SMC1A: variants seen among roughly 807,000 people sequenced by gnomAD.
SMC1A encodes the protein structural maintenance of chromosomes protein 1A.
A neutral mutation model predicts 94.5 loss-of-function variants in SMC1A; 4 were observed. That is an observed-to-expected ratio of 0.04 (90% CI 0.02 to 0.10). The LOEUF is 0.10. Among genes scored for constraint, SMC1A ranks in the 10% least tolerant of loss-of-function variants. SMC1A has a pLI of 1.00. For missense variants in SMC1A, 304 were observed against 989.0 expected (o/e 0.31, Z 9.29); for synonymous variants, 345 against 347.7 (o/e 0.99, Z 0.09).
At position 53,405,804 on chromosome X, in the gene SMC1A, C is replaced by G. The variant is rs7052858; in HGVS notation, c.1698G>C (p.Glu566Asp). 1 of 1,210,784 alleles carries G rather than the reference C, an allele frequency of 8.3e-7. No homozygotes were observed. The change falls in exon 10 of 25, where the codon GAG becomes GAC. Residue 566 changes from glutamate (E) to aspartate (D), a missense_variant. Physicochemically the swap from Glu to Asp is conservative, Grantham distance 45. Transcript: ENST00000322213. ...CIQYIKEQRGEPETFLPLDYL... is the reference protein window; with the variant it reads ...CIQYIKEQRGDPETFLPLDYL... ...AGTCAAGAGGCAAGAAGGTCTCAGG[C>G]TCCCCACGCTGCTCCTTGATATACT...
Position 53,378,490 on chromosome X carries a change from A to G in SMC1A, c.*1613T>C, listed in dbSNP as rs1286198940. ...AATATATCATTTGCATTAAACACAC[A>G]ATATTTCCAATGAGTTCACATATGT... On this transcript the variant is annotated 3_prime_UTR_variant, in exon 25 of 25. Transcript: ENST00000322213. The G allele has an allele frequency of 8.9e-6, 1 of 112,596 alleles. No homozygotes were observed. The highest frequency in any genetic ancestry group is 2.8e-4 in the East Asian group (1 of 3,626). The allele number at this position is 112,596 out of a possible 1,213,427, so 9.3% of individuals were successfully genotyped here.
chrX:53,388,703 A>G (rs1350867000), intron 19 of SMC1A, among the ~76,000 whole-genome samples: 2 of 109,996 alleles, frequency 1.8e-5, no homozygotes, highest in African/African-American at 6.6e-5. Flanking sequence ...TGGCTACTAG[A>G]AAATCGAAAA....
chrX:53,422,355 G>A, intron 1 of SMC1A, 137 bp downstream of exon 1: 1 of 510,222 alleles, frequency 2.0e-6, no homozygotes, highest in Admixed American at 2.8e-5. Flanking sequence ...GGTTCGAGCA[G>A]AACCCCCTCT....
At chrX:53,391,841 G>A (rs1202103711) in intron 19 of SMC1A, among the ~76,000 whole-genome samples, 1 of 110,219 alleles carries the variant, frequency 9.1e-6, no homozygotes, top group Non-Finnish European at 1.9e-5. Context: ...TGACATTTTG[G>A]GTCAGGTAAT....
At chrX:53,410,926 C>CAAAAAAAAAAAAAAAA (rs56669032) in intron 7 of SMC1A, among the ~76,000 whole-genome samples, 616 of 28,803 alleles carry the variant, frequency 0.021, 253 homozygotes, top group African/African-American at 0.055. Context: ...GGCTTTGTCT[C>CAAAAAAAAAAAAAAAA]AAAAAAAAAA....
intron 7 of SMC1A, among the ~76,000 whole-genome samples, chrX:53,410,271 G>T (rs1185134178): frequency 9.0e-6 from 1 of 111,671 alleles, no homozygotes; most frequent in African/African-American, 3.3e-5. Flanking sequence ...AAGGCAGGCT[G>T]ATCGCAGAGG....
rs1047323522 is a variant in SMC1A at position 53,377,878 on chromosome X, C to T, written c.*2225G>A. ...TAGAATTTGAACCAGGTCTGACCCC[C>T]GAATTGTGCTCGTCCATAAAGGCCA... is the stretch of plus-strand genomic sequence containing the variant. On this transcript the variant is annotated 3_prime_UTR_variant, in exon 25 of 25. Coordinates refer to ENST00000322213, the MANE Select transcript of SMC1A (RefSeq NM_006306.4). 2.7e-5 allele frequency: 3 copies of T among 112,299 alleles called. No individual in the cohort carries two copies. Among genetic ancestry groups the T allele is most frequent in the East Asian group, 2.8e-4 (1 of 3,628 alleles). The allele number at this position is 112,299 out of a possible 1,213,427, so 9.3% of individuals were successfully genotyped here.
chrX:53,403,902 A>G lies in SMC1A; in HGVS notation c.2197-9T>C. The G allele has an allele frequency of 1.7e-6, 2 of 1,153,353 alleles. No individual in the cohort carries two copies. Among genetic ancestry groups the G allele is most frequent in the South Asian group, 1.8e-5 (1 of 55,646 alleles). ...TCCAGCTTGGATTTTTCCTACAGGC[A>G]ATGGGTTGAGAGGACAAAGCAGACC... On this transcript the variant is annotated splice_polypyrimidine_tract_variant and intron_variant, in intron 13 of 24. Coordinates refer to ENST00000322213, the MANE Select transcript of SMC1A (RefSeq NM_006306.4).
chrX:53,415,286 G>A lies in SMC1A; in HGVS notation c.110-117C>T. Reference sequence around the variant, plus strand: ...CTAATCACTCAGTACTCAGACTAATGGGAAGAGAGACTACTCCTCTGTCCC... The same window carrying A: ...CTAATCACTCAGTACTCAGACTAATAGGAAGAGAGACTACTCCTCTGTCCC... On this transcript the variant is annotated intron_variant, in intron 1 of 24. Transcript: ENST00000322213. 5.1e-6 allele frequency: 3 copies of A among 593,731 alleles called. No individual in the cohort carries two copies. The East Asian group carries it at 1.0e-4, about 21-fold the overall frequency. The allele number at this position is 593,731 out of a possible 1,213,427, so 48.9% of individuals were successfully genotyped here.
chrX:53,382,784 G>A (rs1023969125), intron 20 of SMC1A, 124 bp from the exon 21 acceptor site: 6 of 846,596 alleles, frequency 7.1e-6, no homozygotes, highest in Non-Finnish European at 1.0e-5. Context: ...AGAAGGATCT[G>A]TATCCAGTGG....
In SMC1A at chrX:53,413,113, T is replaced by C. The variant is rs1001684337; in HGVS notation, c.641A>G (p.Asp214Gly). The C allele has an allele frequency of 3.8e-5, 46 of 1,211,625 alleles. No individual in the cohort carries two copies. Among genetic ancestry groups the C allele is most frequent in the Non-Finnish European group, 5.0e-5 (45 of 895,466 alleles). The change falls in exon 5 of 25, where the codon GAT (aspartate) becomes GGT (glycine). Residue 214 changes from aspartate (D) to glycine (G), a missense_variant. This residue lies in a region of SMC1A where 120 missense variants were observed against 314.9 expected (regional missense o/e 0.38). Transcript: ENST00000322213. ...CTGTACCTGAGCCCGTACTACCTCA[T>C]CCTTCAGGCGCTGGTACCGGTCAGC... is the stretch of plus-strand genomic sequence containing the variant. ...EEADRYQRLK[D>G]EVVRAQVQLQ...
chrX:53,411,619 C>T, intron 7 of SMC1A, 142 bp downstream of exon 7: 1 of 694,674 alleles, frequency 1.4e-6, no homozygotes, highest in South Asian at 2.4e-5. Context: ...AAAAGACTAT[C>T]ATTACAGGTT....
chrX:53,404,314 TC>T (rs782102131), intron 13 of SMC1A, among the ~76,000 whole-genome samples: 2 of 99,971 alleles, frequency 2.0e-5, no homozygotes, highest in African/African-American at 3.7e-5. Flanking sequence ...CCTAGAACAG[TC>T]CCCCCCCGCC....
At chrX:53,414,941 C>T (rs782326502) in intron 2 of SMC1A, 40 bp downstream of exon 2, 3 of 1,206,363 alleles carry the variant, frequency 2.5e-6, no homozygotes, top group Non-Finnish European at 3.4e-6. Flanking sequence ...CTAGCCACCT[C>T]CCAGGACCCA....
Position 53,380,007 on chromosome X carries a change from G to A in SMC1A, c.*96C>T, listed in dbSNP as rs139317060. The A allele has an allele frequency of 0.015, 8,914 of 611,476 alleles. 54 individuals are homozygous for A. Among genetic ancestry groups the A allele is most frequent in the Middle Eastern group, 0.03 (84 of 2,806 alleles). The allele number at this position is 611,476 out of a possible 1,213,427, so 50.4% of individuals were successfully genotyped here. A position where few individuals can be genotyped will look rare whatever the true frequency, so the allele number is the denominator to read the frequency against. On this transcript the variant is annotated 3_prime_UTR_variant, in exon 25 of 25. Coordinates refer to ENST00000322213, the MANE Select transcript of SMC1A (RefSeq NM_006306.4). ...TAAATCCCATGACTACACCAAAAAG[G>A]GCCAGGAGGTAGGGGGAAGGTTGGG...
chrX:53,404,021 C>T, intron 13 of SMC1A, 128 bp from the exon 14 acceptor site: 1 of 542,607 alleles, frequency 1.8e-6, no homozygotes. Flanking sequence ...CTTAGCACTA[C>T]TGCCCTAGTC....
chrX:53,402,646 C>T (rs1201874883), intron 15 of SMC1A, among the ~76,000 whole-genome samples: 2 of 103,727 alleles, frequency 1.9e-5, no homozygotes, highest in Non-Finnish European at 3.9e-5. Context: ...GGGTGGATCA[C>T]GAGGTCAGGA....
intron 19 of SMC1A, among the ~76,000 whole-genome samples, chrX:53,389,842 CTTTTTTTT>C (rs1193457348): frequency 3.3e-4 from 18 of 55,096 alleles, no homozygotes; most frequent in East Asian, 1.8e-3. Flanking sequence ...TCCAGAATTT[CTTTTTTTT>C]TTTTTTTTTT....
chrX:53,409,518 T>C lies in SMC1A; in HGVS notation c.1255-15A>G. 1 of 1,190,245 alleles carries C rather than the reference T, an allele frequency of 8.4e-7. No individual in the cohort carries two copies. On this transcript the variant is annotated splice_polypyrimidine_tract_variant and intron_variant, in intron 7 of 24. Coordinates refer to ENST00000322213, the MANE Select transcript of SMC1A (RefSeq NM_006306.4). ...TTGATCTTGGCCTGGGAAACAAACA[T>C]TCCATCATCAGGGGCTGCACGAGTT... is the stretch of plus-strand genomic sequence containing the variant.
Sources: gnomAD v4.1 joint callset for allele counts (sites outside exome capture counted in the v4.1 genomes callset) on GRCh38, gnomAD v4.1.1 for gene constraint, gnomAD v4.1.1 regional missense constraint, MANE v1.5 for transcripts, NCBI Gene and HGNC (gene_info 2026-07-23, HGNC 2026-07-21) for gene names.